The following ADGRB3 variants were observed in gnomAD, a reference collection of about 807,000 sequenced individuals.
The protein encoded by ADGRB3 is brain-specific angiogenesis inhibitor 3.
A neutral mutation model predicts 193.4 loss-of-function variants in ADGRB3; 37 were observed. The observed-to-expected ratio is 0.19, with a 90% confidence interval of 0.15 to 0.25. The LOEUF is 0.25. Among genes scored for constraint, ADGRB3 ranks in the 10% least tolerant of loss-of-function variants. The pLI is 1.00. For synonymous variants in ADGRB3, 690 were observed against 644.2 expected, an observed-to-expected ratio of 1.07 and a Z score of -1.08; for missense variants, 1,637 against 1,852.9, an observed-to-expected ratio of 0.88 and a Z score of 2.14.
Position 69,256,356 on chromosome 6 carries a change from G to C in ADGRB3, c.2814+17130G>C, listed in dbSNP as rs1016500204. 2.6e-5 allele frequency among the ~76,000 whole-genome samples: 4 copies of C among 152,256 alleles called. No individual in the cohort carries two copies. In the East Asian group the frequency reaches 5.8e-4, roughly 22 times the overall value. On this transcript the variant is annotated intron_variant, in intron 20 of 31. Transcript: ENST00000370598. ...ATGAGCATGGAATGTTCTTCCATTT[G>C]TTTGTATCCTCTTTGATTTCCTTGA...
At chr6:69,044,423 A>G (rs1305451494) in intron 13 of ADGRB3, among the ~76,000 whole-genome samples, 2 of 152,210 alleles carry the variant, frequency 1.3e-5, no homozygotes, top group African/African-American at 4.8e-5. Flanking sequence ...AAATTTCATT[A>G]TTTCCCTCAG....
intron 8 of ADGRB3, among the ~76,000 whole-genome samples, chr6:68,971,823 G>T (rs184870750): frequency 9.2e-4 from 140 of 152,328 alleles, no homozygotes; most frequent in Non-Finnish European, 5.0e-4. Flanking sequence ...CCCTTCATTG[G>T]CATTAATCTG....
At chr6:68,786,096 T>C (rs1163607517) in intron 3 of ADGRB3, among the ~76,000 whole-genome samples, 1 of 151,894 alleles carries the variant, frequency 6.6e-6, no homozygotes, top group Non-Finnish European at 1.5e-5. Context: ...TCTCCGATTC[T>C]GTAGGTTGCC....
At chr6:68,647,204 A>G (rs1768236762) in intron 3 of ADGRB3, among the ~76,000 whole-genome samples, 1 of 152,170 alleles carries the variant, frequency 6.6e-6, no homozygotes, top group Non-Finnish European at 1.5e-5. Context: ...ATTTTTCATT[A>G]TGTTTAAAAC....
chr6:68,806,629 A>C (rs1284169373), intron 3 of ADGRB3, among the ~76,000 whole-genome samples: 1 of 151,626 alleles, frequency 6.6e-6, no homozygotes, highest in Non-Finnish European at 1.5e-5. Flanking sequence ...TTTTATATAA[A>C]TATGTGAATA....
intron 17 of ADGRB3, among the ~76,000 whole-genome samples, chr6:69,187,660 A>T (rs1765099158): frequency 6.6e-6 from 1 of 152,214 alleles, no homozygotes; most frequent in Non-Finnish European, 1.5e-5. Flanking sequence ...CAGAATGGAA[A>T]TCAATTACTT....
At position 68,638,947 on chromosome 6, in the gene ADGRB3, A is replaced by G; in HGVS notation, c.272A>G (p.Asp91Gly). The G allele has an allele frequency of 1.2e-6, 2 of 1,614,118 alleles. No homozygotes were observed. Among genetic ancestry groups the G allele is most frequent in the Non-Finnish European group, 1.7e-6 (2 of 1,180,000 alleles). ...TTTTCACTCCTGGCTTATCAGTTTG[A>G]TCATTTTTCCCATGAAAAAATAAAG... ...SNFSLLAYQF[D>G]HFSHEKIKDL... The change falls in exon 3 of 32, where the codon GAT (aspartate) becomes GGT (glycine). Residue 91 changes from aspartate to glycine, a missense_variant. Transcript: ENST00000370598.
intron 3 of ADGRB3, among the ~76,000 whole-genome samples, chr6:68,732,548 G>T (rs1765793499): frequency 1.3e-5 from 2 of 151,494 alleles, no homozygotes; most frequent in Non-Finnish European, 1.5e-5. Flanking sequence ...GATATGGTGA[G>T]AAACAGGAAG....
intron 3 of ADGRB3, among the ~76,000 whole-genome samples, chr6:68,823,529 A>C (rs1320358219): frequency 6.6e-6 from 1 of 152,094 alleles, no homozygotes; most frequent in Admixed American, 6.6e-5. Context: ...CATGTTTCAG[A>C]CATAAAACAT....
chr6:68,877,240 CT>C (rs144568292), intron 3 of ADGRB3, among the ~76,000 whole-genome samples: 5,710 of 151,122 alleles, frequency 0.038, 161 homozygotes, highest in Middle Eastern at 0.095. Context: ...AATCTACGTA[CT>C]TTTTTTTTGT....
chr6:69,111,929 G>T (rs1773377629), intron 17 of ADGRB3, among the ~76,000 whole-genome samples: 1 of 152,178 alleles, frequency 6.6e-6, no homozygotes, highest in Admixed American at 6.5e-5. Context: ...AGTTGTTGTG[G>T]GATAGTCATT....
chr6:68,957,299 A>G (rs1768102699), intron 8 of ADGRB3, among the ~76,000 whole-genome samples: 1 of 152,226 alleles, frequency 6.6e-6, no homozygotes, highest in African/African-American at 2.4e-5. Context: ...GATTTTACAT[A>G]TAAGCAGAGA....
chr6:68,962,139 C>T (rs1415771554), intron 8 of ADGRB3, among the ~76,000 whole-genome samples: 3 of 152,134 alleles, frequency 2.0e-5, no homozygotes, highest in Non-Finnish European at 4.4e-5. Flanking sequence ...CTTGCCAAGT[C>T]ACTTCAGATA....
At chr6:68,916,960 G>T (rs1286869797) in intron 3 of ADGRB3, among the ~76,000 whole-genome samples, 1 of 152,170 alleles carries the variant, frequency 6.6e-6, no homozygotes, top group African/African-American at 2.4e-5. Flanking sequence ...TAAAGGATCT[G>T]TCCCTGTGCT....
chr6:69,158,200 AT>A (rs533009815), intron 17 of ADGRB3, among the ~76,000 whole-genome samples: 1 of 151,726 alleles, frequency 6.6e-6, no homozygotes, highest in East Asian at 1.9e-4. Context: ...TTAGTTAGAC[AT>A]TTTTTTTATT....
rs140348320 is a variant in ADGRB3, at chr6:69,193,423, G to A, written c.2481-39867G>A. On this transcript the variant is annotated intron_variant, in intron 17 of 31. Coordinates refer to ENST00000370598, the MANE Select transcript of ADGRB3 (RefSeq NM_001704.3). The stretch of plus-strand genomic sequence containing the variant: ...AATTTTATTCAGGGAAATAATATCT[G>A]TTAGTGGGTGTGGATGTGCTTCGGC... 2.4e-3 allele frequency among the ~76,000 whole-genome samples: 368 copies of A among 152,236 alleles called. 4 individuals carry two copies. Among genetic ancestry groups the A allele is most frequent in the African/African-American group, 8.4e-3 (350 of 41,560 alleles).
intron 3 of ADGRB3, among the ~76,000 whole-genome samples, chr6:68,892,711 CA>C (rs1415268330): frequency 1.3e-5 from 2 of 152,000 alleles, no homozygotes; most frequent in Non-Finnish European, 2.9e-5. Flanking sequence ...AACTACTAAG[CA>C]GAAGTTTCCA....
chr6:69,028,170 T>C (rs1770494409), intron 13 of ADGRB3, among the ~76,000 whole-genome samples: 1 of 152,206 alleles, frequency 6.6e-6, no homozygotes, highest in Non-Finnish European at 1.5e-5. Flanking sequence ...GTAACTCATA[T>C]TGAGTTGCCA....
intron 3 of ADGRB3, among the ~76,000 whole-genome samples, chr6:68,888,346 C>T (rs1225154102): frequency 2.6e-5 from 4 of 151,994 alleles, no homozygotes; most frequent in East Asian, 1.9e-4. Context: ...TAATTTGTTT[C>T]GTAATGGACG....
Sources: allele counts gnomAD v4.1 joint callset (sites outside exome capture counted in the v4.1 genomes callset), GRCh38; gene constraint gnomAD v4.1.1; transcripts MANE v1.5; gene names NCBI Gene and HGNC (gene_info 2026-07-23, HGNC 2026-07-21).